Variants in RAP1GDS1 observed in about 807,000 individuals in gnomAD.
RAP1GDS1 encodes the protein Rap1 GTPase-GDP dissociation stimulator 1.
Under a neutral mutation model 71.1 loss-of-function variants are expected in RAP1GDS1, and 35 were observed. That is an observed-to-expected ratio of 0.49 (90% confidence interval 0.38 to 0.65). The LOEUF is 0.65. RAP1GDS1 is among the 30% of genes least tolerant of loss of function. The pLI, the probability that RAP1GDS1 is intolerant of heterozygous loss-of-function variation, is 0.00. For missense variants in RAP1GDS1, 663 were observed against 706.1 expected (o/e 0.94, Z 0.69); for synonymous variants, 229 against 243.1 (o/e 0.94, Z 0.54).
chr4:98,283,280 G>T (rs1560770184), intron 1 of RAP1GDS1, among the ~76,000 whole-genome samples: 1 of 152,090 alleles, frequency 6.6e-6, no homozygotes, highest in Admixed American at 6.6e-5. Flanking sequence ...TTAGAGCAAA[G>T]AAAAAATAGT....
At chr4:98,274,512 T>G (rs1723932691) in intron 1 of RAP1GDS1, among the ~76,000 whole-genome samples, 1 of 152,228 alleles carries the variant, frequency 6.6e-6, no homozygotes, top group Non-Finnish European at 1.5e-5. Context: ...TACCATAGCT[T>G]TAAATAGCTA....
chr4:98,405,207 T>C (rs1049079193), intron 7 of RAP1GDS1, among the ~76,000 whole-genome samples: 4 of 152,122 alleles, frequency 2.6e-5, no homozygotes, highest in African/African-American at 9.7e-5. Context: ...TTCAAAGAGG[T>C]AAAAGCTAGC....
intron 7 of RAP1GDS1, among the ~76,000 whole-genome samples, chr4:98,412,162 C>T (rs1747162864): frequency 6.6e-6 from 1 of 152,090 alleles, no homozygotes; most frequent in Admixed American, 6.6e-5. Flanking sequence ...GATGCATATA[C>T]AGCTTAGGGA....
chr4:98,302,771 C>T (rs1444032749), intron 2 of RAP1GDS1, among the ~76,000 whole-genome samples: 4 of 152,202 alleles, frequency 2.6e-5, no homozygotes, highest in African/African-American at 7.2e-5. Flanking sequence ...AAAGGCCAGG[C>T]ATGGTGACCC....
intron 2 of RAP1GDS1, among the ~76,000 whole-genome samples, chr4:98,328,191 A>C (rs1488352079): frequency 6.6e-6 from 1 of 152,226 alleles, no homozygotes; most frequent in African/African-American, 2.4e-5. Flanking sequence ...GGTATTAGCA[A>C]TAGCACAGGC....
chr4:98,324,558 G>C (rs1732613491), intron 2 of RAP1GDS1, among the ~76,000 whole-genome samples: 2 of 146,100 alleles, frequency 1.4e-5, no homozygotes, highest in African/African-American at 2.7e-5. Context: ...GCATGGTACT[G>C]GTACCAAAAC....
intron 5 of RAP1GDS1, among the ~76,000 whole-genome samples, chr4:98,388,684 C>G (rs1261520470): frequency 6.6e-6 from 1 of 152,184 alleles, no homozygotes; most frequent in Non-Finnish European, 1.5e-5. Context: ...TGAGATCACA[C>G]CACCGCACTC....
chr4:98,294,108 G>T (rs1727373201), intron 2 of RAP1GDS1, among the ~76,000 whole-genome samples: 1 of 151,970 alleles, frequency 6.6e-6, no homozygotes, highest in Non-Finnish European at 1.5e-5. Flanking sequence ...ATTGACCATT[G>T]TGTTGCATTT....
At chr4:98,429,405 C>T (rs1328910990) in intron 12 of RAP1GDS1, among the ~76,000 whole-genome samples, 1 of 152,074 alleles carries the variant, frequency 6.6e-6, no homozygotes, top group Non-Finnish European at 1.5e-5. Flanking sequence ...GGTGGAAACC[C>T]AAACATCATA....
At chr4:98,426,514 TAGAAA>T (rs1430527492) in intron 12 of RAP1GDS1, among the ~76,000 whole-genome samples, 1 of 151,954 alleles carries the variant, frequency 6.6e-6, no homozygotes, top group African/African-American at 2.4e-5. Flanking sequence ...TAAGCTCACT[TAGAAA>T]AGAAATGGGA....
chr4:98,426,116 C>G (rs557709248), intron 12 of RAP1GDS1, among the ~76,000 whole-genome samples: 1 of 152,230 alleles, frequency 6.6e-6, no homozygotes, highest in East Asian at 1.9e-4. Context: ...TAACCTGCTC[C>G]TGAATGATCA....
intron 14 of RAP1GDS1, among the ~76,000 whole-genome samples, chr4:98,437,431 T>C (rs1049826982): frequency 4.6e-5 from 7 of 152,178 alleles, no homozygotes; most frequent in African/African-American, 1.7e-4. Context: ...GTAAGTCTCA[T>C]GAACCCTAAA....
chr4:98,290,528 A>G (rs1423779522), intron 1 of RAP1GDS1, among the ~76,000 whole-genome samples: 1 of 152,128 alleles, frequency 6.6e-6, no homozygotes, highest in Non-Finnish European at 1.5e-5. Context: ...AAACTCTTCC[A>G]TTGCAGCAAG....
chr4:98,441,081 A>T (rs943495095), intron 14 of RAP1GDS1, among the ~76,000 whole-genome samples: 2 of 152,232 alleles, frequency 1.3e-5, no homozygotes, highest in African/African-American at 4.8e-5. Flanking sequence ...TGAGAACTCC[A>T]GCTTTGTTCA....
At chr4:98,418,019 T>C (rs1046396724) in intron 9 of RAP1GDS1, among the ~76,000 whole-genome samples, 5 of 152,178 alleles carry the variant, frequency 3.3e-5, no homozygotes, top group Non-Finnish European at 5.9e-5. Context: ...AACTCATTCT[T>C]ACGTTCCTCA....
intron 2 of RAP1GDS1, among the ~76,000 whole-genome samples, chr4:98,308,295 C>CTATATATATATAT (rs1368490048): frequency 1.4e-5 from 1 of 72,150 alleles, no homozygotes; most frequent in South Asian, 5.9e-4. Flanking sequence ...TACACACACA[C>CTATATATATATAT]ACTATATATA....
chr4:98,343,285 T>A, intron 3 of RAP1GDS1, 24 bp downstream of exon 3: 1 of 1,571,006 alleles, frequency 6.4e-7, no homozygotes, highest in Non-Finnish European at 8.8e-7. Flanking sequence ...CAAGAACTTT[T>A]CTGCTGGGAA....
At chr4:98,297,183 A>G (rs1305554961) in intron 2 of RAP1GDS1, among the ~76,000 whole-genome samples, 1 of 152,240 alleles carries the variant, frequency 6.6e-6, no homozygotes, top group Non-Finnish European at 1.5e-5. Flanking sequence ...CCACATCTCT[A>G]ATCTTCTATG....
In RAP1GDS1 at chr4:98,392,080, G is replaced by GGTAA. The variant is rs1254763578; in HGVS notation, c.637+3_637+6dup. On this transcript the variant is annotated frameshift_variant and splice_region_variant. Coordinates refer to ENST00000408927, the MANE Select transcript of RAP1GDS1 (RefSeq NM_001100427.2). LOFTEE classifies it high-confidence loss of function. ...TGCATTTGGTAATTTAGCAGAACTT[G>GGTAA]GTAAGTCTTAGTCATGAACCACAAA... 12 of 1,610,692 alleles carry GGTAA rather than the reference G, an allele frequency of 7.5e-6. No homozygotes were observed. The highest frequency in any genetic ancestry group is 4.5e-5 in the East Asian group (2 of 44,682).
Sources: allele counts gnomAD v4.1 joint callset (sites outside exome capture counted in the v4.1 genomes callset), GRCh38; gene constraint gnomAD v4.1.1; transcripts MANE v1.5; gene names NCBI Gene and HGNC (gene_info 2026-07-23, HGNC 2026-07-21).